Variants in CPA6 observed in about 807,000 individuals in gnomAD.
The protein encoded by CPA6 is carboxypeptidase B.
CPA6 carries 58 observed loss-of-function variants against 63.3 expected under a neutral mutation model. The ratio of observed to expected loss-of-function variants is 0.92; its 90% CI spans 0.74 to 1.14. The LOEUF (loss-of-function observed/expected upper bound fraction) is 1.14, where lower values mean the gene tolerates loss of function less well. Among genes scored for constraint, CPA6 ranks in the 50% most tolerant of loss-of-function variants. The pLI is 0.00. For missense variants in CPA6, 565 were observed against 526.6 expected (o/e 1.07, Z -0.71); for synonymous variants, 185 against 179.0 (o/e 1.03, Z -0.27).
chr8:67,544,008 G>A lies in CPA6; in HGVS notation c.193-25961C>T, dbSNP rs184822103. 2.5e-4 allele frequency among the ~76,000 whole-genome samples: 38 copies of A among 152,042 alleles called. No individual in the cohort carries two copies. The East Asian group carries it at 6.8e-3, about 27-fold the overall frequency. On this transcript the variant is annotated intron_variant, in intron 2 of 10. Coordinates refer to ENST00000297770, the MANE Select transcript of CPA6 (RefSeq NM_020361.5). ...TTTCTCTGTTGCCCAGGCTAGTCTC[G>A]AACTCCTGGTCTCAAGTGATCCTCC... is the stretch of plus-strand genomic sequence containing the variant.
intron 2 of CPA6, among the ~76,000 whole-genome samples, chr8:67,547,288 C>T (rs180714584): frequency 1.7e-3 from 256 of 152,234 alleles, no homozygotes; most frequent in African/African-American, 5.2e-3. Context: ...CCTGGTGATC[C>T]GCCCGCCTCG....
rs764788773 is a variant in CPA6, at chr8:67,434,205, A to G, written c.874T>C (p.Tyr292His). 1.9e-6 allele frequency: 3 copies of G among 1,614,170 alleles called. No individual in the cohort carries two copies. Among genetic ancestry groups the G allele is most frequent in the South Asian group, 2.2e-5 (2 of 91,086 alleles). The change falls in exon 9 of 11, where the codon TAC (tyrosine) becomes CAC (histidine). Residue 292 changes from tyrosine (Y) to histidine (H), a missense_variant. Tyr to His is a moderately conservative substitution (Grantham distance 83). Transcript: ENST00000297770. Reference sequence around the variant, plus strand: ...TCAGATTCTGGAAAAGGGCCACAGTATGTGTCATCACAAGGGTGCATAGAA... The same window carrying G: ...TCAGATTCTGGAAAAGGGCCACAGTGTGTGTCATCACAAGGGTGCATAGAA... Reference protein sequence around the residue: ...GASMHPCDDTYCGPFPESEPE... With the variant: ...GASMHPCDDTHCGPFPESEPE...
In CPA6 at chr8:67,509,562, G is replaced by A. The variant is rs753233347; in HGVS notation, c.489C>T (p.Phe163=). Residue 163 remains phenylalanine, a synonymous_variant, in exon 5 of 11, where the codon TTC becomes TTT. Coordinates refer to ENST00000297770, the MANE Select transcript of CPA6 (RefSeq NM_020361.5). ...NKTHSGLIHM[F]SIGRSYEGRS... ...TTCCCTCATATGATCTTCCAATAGAGAACATGTGAATGAGGCCTGAGTGAG... is the reference window on the plus strand; with the variant it reads ...TTCCCTCATATGATCTTCCAATAGAAAACATGTGAATGAGGCCTGAGTGAG... 6.3e-7 allele frequency: 1 copy of A among 1,598,230 alleles called. No homozygotes were observed. Among genetic ancestry groups the A allele is most frequent in the South Asian group, 1.1e-5 (1 of 88,634 alleles).
intron 8 of CPA6, among the ~76,000 whole-genome samples, chr8:67,447,280 T>C (rs1434776378): frequency 1.3e-5 from 2 of 152,160 alleles, no homozygotes; most frequent in Admixed American, 6.6e-5. Flanking sequence ...TATTGTAACA[T>C]AATTTAGTCT....
intron 8 of CPA6, among the ~76,000 whole-genome samples, chr8:67,475,743 CCTT>C (rs1454929255): frequency 1.3e-5 from 2 of 149,970 alleles, no homozygotes; most frequent in East Asian, 2.0e-4. Context: ...TTCTTTCTTT[CCTT>C]CTTTCTTTTT....
At chr8:67,550,881 G>A (rs981572216) in intron 2 of CPA6, among the ~76,000 whole-genome samples, 2 of 151,862 alleles carry the variant, frequency 1.3e-5, no homozygotes, top group Non-Finnish European at 2.9e-5. Context: ...CTTTTAATGG[G>A]GTTATTTGTT....
intron 6 of CPA6, among the ~76,000 whole-genome samples, chr8:67,494,948 AC>A (rs1185825731): frequency 1.3e-5 from 2 of 152,064 alleles, no homozygotes; most frequent in African/African-American, 4.8e-5. Context: ...TTGATCTTTC[AC>A]CTCTTATCAA....
At position 67,483,638 on chromosome 8, in the gene CPA6, T is replaced by C. The variant is rs1292355687; in HGVS notation, c.838+130A>G. On this transcript the variant is annotated intron_variant, in intron 8 of 10. Transcript: ENST00000297770. ...ATTACAGCTATCATGTACGTATCTG[T>C]ACCTTTCTCTACCAGGTTTTCACAT... The C allele has an allele frequency of 5.0e-6, 4 of 795,708 alleles. No homozygotes were observed. In the South Asian group the frequency reaches 5.4e-5, roughly 11 times the overall value. 49.3% of individuals were successfully genotyped at this position (795,708 alleles called of 1,614,324 possible).
chr8:67,544,497 G>A (rs1003238971), intron 2 of CPA6, among the ~76,000 whole-genome samples: 4 of 152,168 alleles, frequency 2.6e-5, no homozygotes, highest in South Asian at 2.1e-4. Context: ...CAATGAATAA[G>A]TCATGAAGTC....
chr8:67,636,210 G>T (rs6472325), intron 1 of CPA6, among the ~76,000 whole-genome samples: 56,294 of 151,098 alleles, frequency 0.37, 11,971 homozygotes, highest in African/African-American at 0.55. Context: ...TGCATGCCAT[G>T]GGCAGCCTAT....
At chr8:67,739,186 C>T (rs904659369) in intron 1 of CPA6, among the ~76,000 whole-genome samples, 4 of 152,146 alleles carry the variant, frequency 2.6e-5, no homozygotes, top group Admixed American at 6.5e-5. Context: ...GACCCCCATA[C>T]AGTCTGCCTG....
chr8:67,434,122 A>G lies in CPA6; in HGVS notation c.957T>C (p.Ala319=), dbSNP rs553327896. The G allele has an allele frequency of 6.2e-7, 1 of 1,614,064 alleles. No individual in the cohort carries two copies. Among genetic ancestry groups the G allele is most frequent in the East Asian group, 2.2e-5 (1 of 44,882 alleles). Residue 319 remains alanine (A), a synonymous_variant, in exon 9 of 11, where the codon GCT becomes GCC. Coordinates refer to ENST00000297770, the MANE Select transcript of CPA6 (RefSeq NM_020361.5). The part of the protein sequence containing the change: ...FLRKHRKHIR[A]YLSFHAYAQM... ...GAGCATATGCATGAAAGGAGAGATA[A>G]GCCCTAATGTGCTTTCTGTGTTTTC...
intron 1 of CPA6, among the ~76,000 whole-genome samples, chr8:67,673,462 C>T (rs903889879): frequency 1.3e-5 from 2 of 150,308 alleles, no homozygotes; most frequent in African/African-American, 4.9e-5. Context: ...GGGCTCATTG[C>T]AAGCTCCGCC....
At position 67,513,129 on chromosome 8, in the gene CPA6, G is replaced by C. The variant is rs118132680; in HGVS notation, c.318-1474C>G. On this transcript the variant is annotated intron_variant, in intron 3 of 10. Transcript: ENST00000297770. ...TGGCTCAAAGCTTGGTTAAGTCCCT[G>C]ATGGCTGCTTGCAGTGGCTCAAAAT... Among the ~76,000 whole-genome samples, 238 of 152,314 alleles carry C rather than the reference G, an allele frequency of 1.6e-3. 1 individual carries two copies. Among genetic ancestry groups the C allele is most frequent in the Middle Eastern group, 6.8e-3 (2 of 294 alleles).
At position 67,428,136 on chromosome 8, in the gene CPA6, G is replaced by A. The variant is rs762165524; in HGVS notation, c.1042-5C>T. 6.3e-7 allele frequency: 1 copy of A among 1,593,572 alleles called. No homozygotes were observed. The highest frequency in any genetic ancestry group is 8.6e-7 in the Non-Finnish European group (1 of 1,161,920). ...AGCTTTATAAGCTGCAGATTCCTATGAGGGAAAATGGGGAAATTTTATATA... is the reference window on the plus strand; with the variant it reads ...AGCTTTATAAGCTGCAGATTCCTATAAGGGAAAATGGGGAAATTTTATATA... On this transcript the variant is annotated splice_region_variant and splice_polypyrimidine_tract_variant and intron_variant, in intron 9 of 10. Coordinates refer to ENST00000297770, the MANE Select transcript of CPA6 (RefSeq NM_020361.5).
intron 1 of CPA6, among the ~76,000 whole-genome samples, chr8:67,712,451 C>T (rs1817283443): frequency 6.6e-6 from 1 of 152,082 alleles, no homozygotes; most frequent in South Asian, 2.1e-4. Context: ...CTTTCAAGTG[C>T]CTGTGGATCT....
rs552557797 is a variant in CPA6, at chr8:67,669,440, G to A, written c.117-45189C>T. 4.6e-5 allele frequency among the ~76,000 whole-genome samples: 7 copies of A among 152,310 alleles called. No homozygotes were observed. The South Asian group carries it at 8.3e-4, about 18-fold the overall frequency. On this transcript the variant is annotated intron_variant, in intron 1 of 10. Coordinates refer to ENST00000297770, the MANE Select transcript of CPA6 (RefSeq NM_020361.5). ...AAATTATACATGCTCACCCACAGAC[G>A]GGGAGTCTTTCTATAACCCATCCCA... is the stretch of plus-strand genomic sequence containing the variant.
chr8:67,481,439 G>T (rs1044968896), intron 8 of CPA6, among the ~76,000 whole-genome samples: 4 of 152,210 alleles, frequency 2.6e-5, no homozygotes, highest in Admixed American at 2.6e-4. Flanking sequence ...CCTCAGGGGA[G>T]CTATGAAGTA....
intron 1 of CPA6, among the ~76,000 whole-genome samples, chr8:67,680,606 C>T (rs750913394): frequency 1.3e-5 from 2 of 151,918 alleles, no homozygotes; most frequent in Non-Finnish European, 2.9e-5. Context: ...GGTATAGATT[C>T]TTTTTAACAA....
Sources: gnomAD v4.1 joint callset for allele counts (sites outside exome capture counted in the v4.1 genomes callset) on GRCh38, gnomAD v4.1.1 for gene constraint, MANE v1.5 for transcripts, NCBI Gene and HGNC (gene_info 2026-07-23, HGNC 2026-07-21) for gene names.